The following SLC7A14 variants were observed in gnomAD, a reference collection of about 807,000 sequenced individuals.
SLC7A14 encodes the protein gamma-aminobutyric acid transporter SLC7A14.
A neutral mutation model predicts 60.2 loss-of-function variants in SLC7A14; 37 were observed. That is an observed-to-expected ratio of 0.61 (90% confidence interval 0.47 to 0.81). The LOEUF (loss-of-function observed/expected upper bound fraction) is 0.81. Ranked by LOEUF, SLC7A14 falls within the 30% of genes least tolerant of loss-of-function variation. SLC7A14 has a pLI of 0.00. For missense variants in SLC7A14, 886 were observed against 982.7 expected (o/e 0.90, Z 1.32); for synonymous variants, 399 against 395.8 (o/e 1.01, Z -0.10).
At chr3:170,530,055 T>C (rs1004382192) in intron 1 of SLC7A14, among the ~76,000 whole-genome samples, 1 of 152,210 alleles carries the variant, frequency 6.6e-6, no homozygotes, top group Non-Finnish European at 1.5e-5. Flanking sequence ...ACCGTGGTAT[T>C]AGGTTGGCAC....
intron 7 of SLC7A14, among the ~76,000 whole-genome samples, chr3:170,473,063 C>T (rs962454400): frequency 6.6e-6 from 1 of 152,198 alleles, no homozygotes; most frequent in Non-Finnish European, 1.5e-5. Flanking sequence ...ACTCATATCT[C>T]TTAACTCTAA....
In SLC7A14 at chr3:170,502,462, C is replaced by T. The variant is rs112435291; in HGVS notation, c.305-1117G>A. Among the ~76,000 whole-genome samples the T allele has an allele frequency of 2.3e-3, 347 of 152,176 alleles. 1 individual carries two copies. The highest frequency in any genetic ancestry group is 6.8e-3 in the Middle Eastern group (2 of 294). ...CAAACTTCTGGGAGTTGGGAGAGTT[C>T]CCTATTTTGTGCTAGGAATTCTGGG... is the stretch of plus-strand genomic sequence containing the variant. On this transcript the variant is annotated intron_variant, in intron 2 of 7. Coordinates refer to ENST00000231706, the MANE Select transcript of SLC7A14 (RefSeq NM_020949.3).
chr3:170,507,177 G>A (rs1208005343), intron 2 of SLC7A14, among the ~76,000 whole-genome samples: 1 of 150,950 alleles, frequency 6.6e-6, no homozygotes, highest in Admixed American at 6.6e-5. Context: ...CTACTTATCA[G>A]CTCATTTAAC....
rs546487810 is a variant in SLC7A14 at position 170,467,223 on chromosome 3, G to C, written c.2148C>G (p.Ser716Arg). The change falls in exon 8 of 8, where the codon AGC (serine) becomes AGG (arginine). Residue 716 changes from serine to arginine, a missense_variant. Ser to Arg is a moderately radical substitution (Grantham distance 110, BLOSUM62 -1). Coordinates refer to ENST00000231706, the MANE Select transcript of SLC7A14 (RefSeq NM_020949.3). The stretch of plus-strand genomic sequence containing the variant: ...CAGTGGGCCCGCCCCAGTCCTCCTG[G>C]CTCTCGCCCTCTGTGGCGTAGGAGA... ...EGFSYATEGE[S>R]QEDWGGPTED... The C allele has an allele frequency of 1.2e-6, 2 of 1,614,258 alleles. No homozygotes were observed. The highest frequency in any genetic ancestry group is 2.2e-5 in the East Asian group (1 of 44,878).
At chr3:170,570,860 G>A (rs1714932647) in intron 1 of SLC7A14, among the ~76,000 whole-genome samples, 1 of 151,610 alleles carries the variant, frequency 6.6e-6, no homozygotes. Flanking sequence ...CACCCCAATA[G>A]CTTTAGGAGT....
At chr3:170,513,619 A>G (rs1053521151) in intron 2 of SLC7A14, among the ~76,000 whole-genome samples, 1 of 152,236 alleles carries the variant, frequency 6.6e-6, no homozygotes, top group Non-Finnish European at 1.5e-5. Context: ...ATAGTATATA[A>G]AATGTCTATG....
intron 1 of SLC7A14, among the ~76,000 whole-genome samples, chr3:170,545,131 TA>T (rs1258830029): frequency 1.3e-5 from 2 of 152,220 alleles, no homozygotes; most frequent in African/African-American, 4.8e-5. Context: ...CTGCGCTTCA[TA>T]AATTTTAGAA....
chr3:170,585,276 C>A lies in SLC7A14; in HGVS notation c.-153+635G>T, dbSNP rs1715352097. ...GACACCGCTCCCGTCACGTCCTCTTCGCCGCTCCCGGGAGAGTCACCACTC... is the reference window on the plus strand; with the variant it reads ...GACACCGCTCCCGTCACGTCCTCTTAGCCGCTCCCGGGAGAGTCACCACTC... On this transcript the variant is annotated intron_variant, in intron 1 of 7. Transcript: ENST00000231706. This position sits in a 1 kb window ranked among gnomAD's most constrained non-coding sequence, Gnocchi z 5.1. 6.6e-6 allele frequency among the ~76,000 whole-genome samples: 1 copy of A among 152,172 alleles called. No homozygotes were observed.
intron 4 of SLC7A14, among the ~76,000 whole-genome samples, chr3:170,490,031 A>G (rs1228550666): frequency 6.6e-6 from 1 of 152,180 alleles, no homozygotes; most frequent in Admixed American, 6.5e-5. Context: ...CTACTATTAG[A>G]TAACATAACA....
intron 5 of SLC7A14, among the ~76,000 whole-genome samples, chr3:170,485,892 C>G (rs986581547): frequency 6.6e-6 from 1 of 152,162 alleles, no homozygotes; most frequent in Non-Finnish European, 1.5e-5. Flanking sequence ...GCTTGCACAT[C>G]CACCCGTTAC....
intron 1 of SLC7A14, among the ~76,000 whole-genome samples, chr3:170,569,441 G>A (rs1014562698): frequency 1.3e-5 from 2 of 151,966 alleles, no homozygotes; most frequent in African/African-American, 2.4e-5. Flanking sequence ...TTTGGCATCA[G>A]CGTTCATCAA....
chr3:170,575,360 T>C (rs1715061396), intron 1 of SLC7A14, among the ~76,000 whole-genome samples: 1 of 152,172 alleles, frequency 6.6e-6, no homozygotes, highest in African/African-American at 2.4e-5. Flanking sequence ...CTCTGGCAGT[T>C]TGAAATGAGG....
intron 1 of SLC7A14, among the ~76,000 whole-genome samples, chr3:170,562,214 G>A (rs1042553149): frequency 6.6e-6 from 1 of 152,060 alleles, no homozygotes; most frequent in Admixed American, 6.6e-5. Context: ...AGCACAGTTC[G>A]CCAATTGCAA....
At chr3:170,495,011 T>C (rs1216682134) in intron 4 of SLC7A14, among the ~76,000 whole-genome samples, 1 of 152,170 alleles carries the variant, frequency 6.6e-6, no homozygotes, top group Non-Finnish European at 1.5e-5. Flanking sequence ...GATTCTCCAC[T>C]TTTAAGTAAG....
chr3:170,518,190 A>G (rs1713230092), intron 2 of SLC7A14, among the ~76,000 whole-genome samples: 1 of 152,130 alleles, frequency 6.6e-6, no homozygotes, highest in Non-Finnish European at 1.5e-5. Context: ...AGGAGGTGCT[A>G]CATGAAAGCG....
At chr3:170,568,690 C>G (rs201148029) in intron 1 of SLC7A14, among the ~76,000 whole-genome samples, 3 of 152,160 alleles carry the variant, frequency 2.0e-5, no homozygotes, top group African/African-American at 4.8e-5. Context: ...TTTCATTGAG[C>G]AGTGGTTTGT....
chr3:170,535,967 A>G lies in SLC7A14; in HGVS notation c.-152-8879T>C, dbSNP rs191435510. Among the ~76,000 whole-genome samples, 65 of 152,264 alleles carry G rather than the reference A, an allele frequency of 4.3e-4. 1 individual carries two copies. The East Asian group carries it at 5.2e-3, about 12-fold the overall frequency. On this transcript the variant is annotated intron_variant, in intron 1 of 7. Coordinates refer to ENST00000231706, the MANE Select transcript of SLC7A14 (RefSeq NM_020949.3). This position sits in a 1 kb window ranked among gnomAD's most constrained non-coding sequence, Gnocchi z 4.3. ...TTCCTGCTGGGATCCTGACTGATAC[A>G]TGGGTATATTAGACGGCTGAGATAG...
intron 2 of SLC7A14, among the ~76,000 whole-genome samples, chr3:170,526,238 C>T (rs1713492765): frequency 6.6e-6 from 1 of 151,816 alleles, no homozygotes; most frequent in South Asian, 2.1e-4. Context: ...CCCGTCTCTA[C>T]TAAAAATACA....
At position 170,460,156 on chromosome 3, in the gene SLC7A14, A is replaced by G. The variant is rs1001170493; in HGVS notation, c.*6899T>C. On this transcript the variant is annotated 3_prime_UTR_variant, in exon 8 of 8. Coordinates refer to ENST00000231706, the MANE Select transcript of SLC7A14 (RefSeq NM_020949.3). ...CAATTTCATACCAAAAAAAGATAGC[A>G]GAGAACAACACTAGGAATTACCATC... is the stretch of plus-strand genomic sequence containing the variant. The G allele has an allele frequency of 6.6e-6, 1 of 152,244 alleles. No homozygotes were observed. The highest frequency in any genetic ancestry group is 6.5e-5 in the Admixed American group (1 of 15,286). 9.4% of individuals were successfully genotyped at this position (152,244 alleles called of 1,614,324 possible).
Sources: gnomAD v4.1 joint callset for allele counts (sites outside exome capture counted in the v4.1 genomes callset) on GRCh38, gnomAD v4.1.1 for gene constraint, Gnocchi (gnomAD v3.1) non-coding constraint, MANE v1.5 for transcripts, NCBI Gene and HGNC (gene_info 2026-07-23, HGNC 2026-07-21) for gene names.